The following GATAD2B variants were observed in gnomAD, a reference collection of about 807,000 sequenced individuals.
GATAD2B encodes transcriptional repressor p66-beta.
GATAD2B carries 8 observed loss-of-function variants against 64.3 expected under a neutral mutation model. The observed-to-expected ratio is 0.12, with a 90% confidence interval of 0.07 to 0.22. The LOEUF is 0.22. GATAD2B is among the 10% of genes least tolerant of loss of function. The pLI is 1.00. For missense variants in GATAD2B, 453 were observed against 752.0 expected, an observed-to-expected ratio of 0.60 and a Z score of 4.65; for synonymous variants, 281 against 271.3, an observed-to-expected ratio of 1.04 and a Z score of -0.35.
chr1:153,815,290 A>C (rs537420570), intron 7 of GATAD2B, among the ~76,000 whole-genome samples: 2 of 145,668 alleles, frequency 1.4e-5, no homozygotes, highest in Admixed American at 1.4e-4. Flanking sequence ...CAAAAAAAAA[A>C]AACAAAAAAA....
At chr1:153,834,681 C>T (rs11488654) in intron 1 of GATAD2B, among the ~76,000 whole-genome samples, 5,276 of 152,250 alleles carry the variant, frequency 0.035, 315 homozygotes, top group African/African-American at 0.12. Context: ...TGAGCCACCA[C>T]GCCCGGCCTA....
chr1:153,859,351 C>T (rs112556547), intron 1 of GATAD2B, among the ~76,000 whole-genome samples: 383 of 104,450 alleles, frequency 3.7e-3, no homozygotes, highest in African/African-American at 0.012. Flanking sequence ...TGGGTGGCTG[C>T]AAGACTTCAC....
chr1:153,892,681 T>G (rs912930380), intron 1 of GATAD2B, among the ~76,000 whole-genome samples: 3 of 149,956 alleles, frequency 2.0e-5, no homozygotes, highest in Admixed American at 6.7e-5. Flanking sequence ...TCCAGTAGAC[T>G]TGTAAGAAAC....
intron 1 of GATAD2B, among the ~76,000 whole-genome samples, chr1:153,921,343 G>A (rs922865472): frequency 6.6e-6 from 1 of 152,182 alleles, no homozygotes; most frequent in Non-Finnish European, 1.5e-5. Context: ...TTTTCACTTT[G>A]TACAACCACA....
At chr1:153,849,919 AC>A (rs750386795) in intron 1 of GATAD2B, among the ~76,000 whole-genome samples, 4 of 152,280 alleles carry the variant, frequency 2.6e-5, no homozygotes, top group Non-Finnish European at 4.4e-5. Flanking sequence ...GGCATGAGCT[AC>A]CATGCCTGGC....
chr1:153,859,678 AT>A (rs1676208812), intron 1 of GATAD2B, among the ~76,000 whole-genome samples: 9 of 150,100 alleles, frequency 6.0e-5, no homozygotes, highest in South Asian at 4.2e-4. Flanking sequence ...TCAAAAAAAA[AT>A]AATAAAAAAA....
At chr1:153,911,403 AG>A (rs1476144322) in intron 1 of GATAD2B, among the ~76,000 whole-genome samples, 1 of 152,232 alleles carries the variant, frequency 6.6e-6, no homozygotes, top group Non-Finnish European at 1.5e-5. Context: ...AGATTTACTA[AG>A]CAGTGCATCA....
intron 1 of GATAD2B, chr1:153,852,885 G>A: frequency 1.3e-6 from 1 of 773,642 alleles, no homozygotes; most frequent in Non-Finnish European, 2.3e-6. Flanking sequence ...CTGATTTGGT[G>A]AGCGCATGTT....
At chr1:153,907,021 G>T (rs1447177988) in intron 1 of GATAD2B, among the ~76,000 whole-genome samples, 1 of 152,220 alleles carries the variant, frequency 6.6e-6, no homozygotes, top group East Asian at 1.9e-4. Context: ...CAGGGACGTG[G>T]AGGGACTGGA....
intron 1 of GATAD2B, among the ~76,000 whole-genome samples, chr1:153,911,889 TA>T (rs1181133372): frequency 6.6e-6 from 1 of 152,230 alleles, no homozygotes; most frequent in Non-Finnish European, 1.5e-5. Flanking sequence ...AGTCCTTTTA[TA>T]CCCTCAACAC....
chr1:153,839,108 C>CAAAAAAAAAAAAAAAAAAAAAAAAAAAA (rs35262137), intron 1 of GATAD2B, among the ~76,000 whole-genome samples: 9 of 78,568 alleles, frequency 1.1e-4, no homozygotes, highest in South Asian at 5.1e-4. Context: ...GACCCTGTCT[C>CAAAAAAAAAAAAAAAAAAAAAAAAAAAA]AAAAAAAAAA....
intron 1 of GATAD2B, among the ~76,000 whole-genome samples, chr1:153,842,703 A>G (rs1434912808): frequency 6.6e-6 from 1 of 152,028 alleles, no homozygotes; most frequent in Non-Finnish European, 1.5e-5. Flanking sequence ...CCCAGGCTGG[A>G]GTGCAATGGC....
At chr1:153,868,200 C>T (rs1676543112) in intron 1 of GATAD2B, among the ~76,000 whole-genome samples, 1 of 149,610 alleles carries the variant, frequency 6.7e-6, no homozygotes, top group Non-Finnish European at 1.5e-5. Context: ...CAGACTCCAT[C>T]TCAAAAAAAA....
intron 1 of GATAD2B, chr1:153,853,381 C>T (rs1040425113): frequency 1.4e-6 from 1 of 691,588 alleles, no homozygotes; most frequent in Non-Finnish European, 2.7e-6. Context: ...AGTCATCACA[C>T]TCAGTTGTGG....
At chr1:153,819,982 C>G (rs1674622134) in intron 2 of GATAD2B, among the ~76,000 whole-genome samples, 1 of 151,734 alleles carries the variant, frequency 6.6e-6, no homozygotes, top group Non-Finnish European at 1.5e-5. Flanking sequence ...CCTGTAGTCC[C>G]AGCTACTCAG....
Position 153,812,148 on chromosome 1 carries a change from A to C in GATAD2B, c.1420-16T>G. 5 of 1,432,620 alleles carry C rather than the reference A, an allele frequency of 3.5e-6. No homozygotes were observed. Among genetic ancestry groups the C allele is most frequent in the Non-Finnish European group, 4.9e-6 (5 of 1,016,946 alleles). The allele number at this position is 1,432,620 out of a possible 1,614,324, so 88.7% of individuals were successfully genotyped here. On this transcript the variant is annotated splice_polypyrimidine_tract_variant and intron_variant, in intron 8 of 10. Transcript: ENST00000368655. ...GTTCAATTTCCTGTTGGGAGTCATC[A>C]CATCAGGTGATTGAGCAGGACAGCA...
chr1:153,864,270 T>C (rs1159885342), intron 1 of GATAD2B, among the ~76,000 whole-genome samples: 1 of 152,170 alleles, frequency 6.6e-6, no homozygotes, highest in Non-Finnish European at 1.5e-5. Context: ...TGAGAGGGGA[T>C]ACAGGAGAAG....
At position 153,822,071 on chromosome 1, in the gene GATAD2B, C is replaced by T. The variant is rs905915147; in HGVS notation, c.336-2336G>A. ...TAGTATACGCCTGTAATCCCAGCTA[C>T]TCAGGAGGCTGAAGCACAAGAATCA... On this transcript the variant is annotated intron_variant, in intron 2 of 10. Coordinates refer to ENST00000368655, the MANE Select transcript of GATAD2B (RefSeq NM_020699.4). Among the ~76,000 whole-genome samples the T allele has an allele frequency of 2.6e-5, 4 of 152,024 alleles. No individual in the cohort carries two copies. In the East Asian group the frequency reaches 7.8e-4, roughly 30 times the overall value.
intron 1 of GATAD2B, among the ~76,000 whole-genome samples, chr1:153,902,005 G>A (rs1376724097): frequency 2.1e-5 from 3 of 144,420 alleles, no homozygotes; most frequent in East Asian, 2.0e-4. Context: ...AAAAGGCCGC[G>A]CACAGTGGTT....
Sources: allele counts gnomAD v4.1 joint callset (sites outside exome capture counted in the v4.1 genomes callset), GRCh38; gene constraint gnomAD v4.1.1; transcripts MANE v1.5; gene names NCBI Gene and HGNC (gene_info 2026-07-23, HGNC 2026-07-21).